GRAMD2B: variants seen among roughly 807,000 people sequenced by gnomAD.
GRAMD2B encodes the protein GRAM domain-containing protein 2B.
A neutral mutation model predicts 59.2 loss-of-function variants in GRAMD2B; 41 were observed. The observed-to-expected ratio is 0.69, with a 90% confidence interval of 0.54 to 0.90. The LOEUF is 0.90. Ranked by LOEUF, GRAMD2B falls within the 40% of genes least tolerant of loss-of-function variation. The pLI is 0.00. For synonymous variants in GRAMD2B, 161 were observed against 182.7 expected (o/e 0.88, Z 0.96); for missense variants, 424 against 500.5 (o/e 0.85, Z 1.46).
upstream of GRAMD2B, among the ~76,000 whole-genome samples, chr5:126,366,628 T>A (rs1469812199): frequency 1.3e-5 from 2 of 152,126 alleles, no homozygotes; most frequent in Non-Finnish European, 2.9e-5. Context: ...AGTAGTTAAA[T>A]CCCTTTCTAA....
chr5:126,409,170 C>T (rs919737870), intron 1 of GRAMD2B, among the ~76,000 whole-genome samples: 1 of 152,088 alleles, frequency 6.6e-6, no homozygotes, highest in Non-Finnish European at 1.5e-5. Flanking sequence ...GTCTTTATAG[C>T]AGCATGATTT....
At chr5:126,368,845 T>C (rs1448853222), upstream of GRAMD2B, among the ~76,000 whole-genome samples, 1 of 152,202 alleles carries the variant, frequency 6.6e-6, no homozygotes, top group Non-Finnish European at 1.5e-5. Context: ...GGCTAGTAAA[T>C]TGCTGCGTAA....
chr5:126,429,700 C>G (rs1330211193), intron 1 of GRAMD2B, among the ~76,000 whole-genome samples: 3 of 152,124 alleles, frequency 2.0e-5, no homozygotes, highest in Admixed American at 1.3e-4. Context: ...ACTAAATGGT[C>G]AAACTTCAAA....
intron 1 of GRAMD2B, among the ~76,000 whole-genome samples, chr5:126,447,453 A>C (rs562497956): frequency 6.6e-6 from 1 of 152,148 alleles, no homozygotes; most frequent in Non-Finnish European, 1.5e-5. Flanking sequence ...ATGAGGTCAG[A>C]AGATTGAGAC....
intron 1 of GRAMD2B, among the ~76,000 whole-genome samples, chr5:126,448,595 C>T (rs1238966306): frequency 6.6e-6 from 1 of 152,042 alleles, no homozygotes; most frequent in Non-Finnish European, 1.5e-5. Flanking sequence ...GGAGGGGTCA[C>T]ATATAACTCA....
At chr5:126,423,156 G>C (rs1443139197), upstream of GRAMD2B, 1 of 997,140 alleles carries the variant, frequency 1.0e-6, no homozygotes, top group Non-Finnish European at 1.2e-6. Context: ...ATCTAGAGCC[G>C]GCTGCCCTCT....
intron 3 of GRAMD2B, among the ~76,000 whole-genome samples, chr5:126,471,712 T>A (rs1005329844): frequency 6.6e-6 from 1 of 152,172 alleles, no homozygotes; most frequent in Admixed American, 6.5e-5. Flanking sequence ...TGGCATCCCT[T>A]GAGGCTGGCA....
At chr5:126,439,785 CAT>C (rs1159792991) in intron 1 of GRAMD2B, among the ~76,000 whole-genome samples, 1 of 152,156 alleles carries the variant, frequency 6.6e-6, no homozygotes, top group African/African-American at 2.4e-5. Flanking sequence ...ATAATCCCCA[CAT>C]GTCATGGGAG....
intron 1 of GRAMD2B, chr5:126,371,659 C>T: frequency 9.1e-7 from 1 of 1,102,282 alleles, no homozygotes; most frequent in Non-Finnish European, 1.2e-6. Context: ...CTTTTTCATT[C>T]CTGGAGGTAG....
At chr5:126,416,309 G>A (rs929922028) in intron 1 of GRAMD2B, among the ~76,000 whole-genome samples, 3 of 151,914 alleles carry the variant, frequency 2.0e-5, no homozygotes, top group Admixed American at 1.3e-4. Flanking sequence ...GGAAATTATT[G>A]TCATATTTCT....
intron 1 of GRAMD2B, among the ~76,000 whole-genome samples, chr5:126,407,707 A>T (rs1464014194): frequency 6.6e-6 from 1 of 151,914 alleles, no homozygotes; most frequent in African/African-American, 2.4e-5. Flanking sequence ...GTGTCATAAT[A>T]CTCCACACAC....
chr5:126,368,330 G>A (rs191095642), upstream of GRAMD2B, among the ~76,000 whole-genome samples: 11 of 152,352 alleles, frequency 7.2e-5, no homozygotes, highest in East Asian at 2.1e-3. Context: ...CTCAGGCAGT[G>A]GCTGTGGATG....
At chr5:126,422,199 A>ATT (rs11293263), upstream of GRAMD2B, among the ~76,000 whole-genome samples, 12,050 of 143,968 alleles carry the variant, frequency 0.084, 688 homozygotes, top group East Asian at 0.25. Context: ...TTATGCACGG[A>ATT]TTTTTTTTTT....
intron 1 of GRAMD2B, among the ~76,000 whole-genome samples, chr5:126,391,520 C>G (rs1756783093): frequency 6.6e-6 from 1 of 151,132 alleles, no homozygotes; most frequent in Non-Finnish European, 1.5e-5. Context: ...TTTATAATAG[C>G]CAAAAAATGG....
At chr5:126,492,078 G>T (rs976452818) in intron 13 of GRAMD2B, among the ~76,000 whole-genome samples, 1 of 152,222 alleles carries the variant, frequency 6.6e-6, no homozygotes, top group African/African-American at 2.4e-5. Flanking sequence ...CATTTACTGA[G>T]AACATTTTTG....
At chr5:126,417,534 T>C (rs1759364690) in intron 1 of GRAMD2B, among the ~76,000 whole-genome samples, 1 of 152,202 alleles carries the variant, frequency 6.6e-6, no homozygotes, top group African/African-American at 2.4e-5. Flanking sequence ...AACCCGGCCT[T>C]TATCTGAGTG....
chr5:126,420,185 A>G (rs1027522754), upstream of GRAMD2B, among the ~76,000 whole-genome samples: 1 of 152,186 alleles, frequency 6.6e-6, no homozygotes, highest in East Asian at 1.9e-4. Flanking sequence ...ATCAAAGGGC[A>G]TCCTAAAACA....
intron 1 of GRAMD2B, among the ~76,000 whole-genome samples, chr5:126,408,348 C>A (rs945935120): frequency 2.0e-5 from 3 of 151,960 alleles, no homozygotes; most frequent in Non-Finnish European, 4.4e-5. Flanking sequence ...TCCAGTCCAC[C>A]ATTAATGGGC....
In GRAMD2B at chr5:126,486,883, C is replaced by T. The variant is rs753033835; in HGVS notation, c.1069C>T (p.Leu357=). 3 of 1,606,612 alleles carry T rather than the reference C, an allele frequency of 1.9e-6. No individual in the cohort carries two copies. Among genetic ancestry groups the T allele is most frequent in the African/African-American group, 1.3e-5 (1 of 74,738 alleles). ...TTCATCCGTTTCCAGTGTCTGTGCA[C>T]TAATCATCTCGACCTTCTACATGAG... ...LIFYAIVVCA[L]IISTFYMRYR... The change falls in exon 12 of 14, where the codon CTA becomes TTA. Residue 357 remains leucine, a synonymous_variant. Transcript: ENST00000285689.
Sources: allele counts gnomAD v4.1 joint callset (sites outside exome capture counted in the v4.1 genomes callset), GRCh38; gene constraint gnomAD v4.1.1; transcripts MANE v1.5; gene names NCBI Gene and HGNC (gene_info 2026-07-23, HGNC 2026-07-21).